Variants in CNFN observed in about 807,000 individuals in gnomAD.
CNFN encodes the protein cornefied envelope protein cornefilin.
A neutral mutation model predicts 14.9 loss-of-function variants in CNFN; 10 were observed. That is an observed-to-expected ratio of 0.67 (90% confidence interval 0.41 to 1.14). The LOEUF (loss-of-function observed/expected upper bound fraction) is 1.14, where lower values mean the gene tolerates loss of function less well. Ranked by LOEUF, CNFN falls within the 50% of genes most tolerant of loss-of-function variation. The pLI is 0.00. For missense variants in CNFN, 165 were observed against 152.8 expected (o/e 1.08, Z -0.42); for synonymous variants, 66 against 60.0 (o/e 1.10, Z -0.46).
intron 1 of CNFN, chr19:42,389,642 T>TGG: frequency 1.9e-5 from 1 of 51,460 alleles, no homozygotes; most frequent in Non-Finnish European, 3.7e-5. Context: ...ACTGGGGCAC[T>TGG]GGGGGCTGGG....
In CNFN at chr19:42,387,106, C is replaced by T. The variant is rs773125676; in HGVS notation, c.*47G>A. On this transcript the variant is annotated 3_prime_UTR_variant, in exon 4 of 4. Coordinates refer to ENST00000222032, the MANE Select transcript of CNFN (RefSeq NM_032488.4). ...CCCTCCCAGGAGTGGCCAGAGAAGG[C>T]CAGAGGCGAGACTGGTGGAAAAGGA... The T allele has an allele frequency of 1.0e-5, 16 of 1,594,608 alleles. No individual in the cohort carries two copies. Among genetic ancestry groups the T allele is most frequent in the Non-Finnish European group, 1.2e-5 (14 of 1,162,668 alleles).
Position 42,387,381 on chromosome 19 carries a change from G to T in CNFN, c.208C>A (p.His70Asn). 6.2e-7 allele frequency: 1 copy of T among 1,600,448 alleles called. No homozygotes were observed. The highest frequency in any genetic ancestry group is 2.3e-5 in the East Asian group (1 of 44,086). Residue 70 changes from histidine to asparagine, a missense_variant, in exon 3 of 4, where the codon CAC becomes AAC. By Grantham distance (68) the His-to-Asn change is moderately conservative (BLOSUM62 1). Coordinates refer to ENST00000222032, the MANE Select transcript of CNFN (RefSeq NM_032488.4). Reference protein sequence around the residue: ...CCAPYLPGGLHSIRTGMRERY... With the variant: ...CCAPYLPGGLNSIRTGMRERY... ...TCCCGCATGCCGGTGCGGATGGAGTGCAGGCCTCCGGGCAGGTAGGGCGCG... is the reference window on the plus strand; with the variant it reads ...TCCCGCATGCCGGTGCGGATGGAGTTCAGGCCTCCGGGCAGGTAGGGCGCG...
rs1446230041 is a variant in CNFN at position 42,387,433 on chromosome 19, G to A, written c.156C>T (p.Ile52=). Residue 52 remains isoleucine (I), a synonymous_variant, in exon 3 of 4, where the codon ATC becomes ATT. Transcript: ENST00000222032. ...AGCAGCACTCGCCAAAGTCGTCGGA[G>A]ATGCGGCAGGCAAGGCACAGAGGAG... ...TFAPLCLACR[I]SDDFGECCCA... 6.3e-7 allele frequency: 1 copy of A among 1,599,896 alleles called. No individual in the cohort carries two copies. The highest frequency in any genetic ancestry group is 1.1e-5 in the South Asian group (1 of 89,172).
rs149866560 is a variant in CNFN, at chr19:42,389,386, G to A, written c.-2-347C>T. ...GTTGCAGCATTTCTGGGGCCTCTGG[G>A]GTGGAAGCAGGCGCCGTCTGTCTTC... is the stretch of plus-strand genomic sequence containing the variant. On this transcript the variant is annotated intron_variant, in intron 1 of 3. Transcript: ENST00000222032. The A allele has an allele frequency of 2.0e-4, 199 of 1,010,086 alleles. 1 individual carries two copies. The East Asian group carries it at 5.3e-3, about 27-fold the overall frequency. The allele number at this position is 1,010,086 out of a possible 1,614,324, so 62.6% of individuals were successfully genotyped here. A position where few individuals can be genotyped will look rare whatever the true frequency, so the allele number is the denominator to read the frequency against.
chr19:42,387,689 T>TA (rs974271181), intron 2 of CNFN, among the ~76,000 whole-genome samples: 2 of 147,774 alleles, frequency 1.4e-5, no homozygotes, highest in Non-Finnish European at 3.0e-5. Flanking sequence ...TTTTTTTTTT[T>TA]AGAAATTGGA....
Position 42,387,469 on chromosome 19 carries a change from G to T in CNFN, c.120C>A (p.Cys40Ter). The T allele has an allele frequency of 1.9e-6, 3 of 1,581,754 alleles. No individual in the cohort carries two copies. The highest frequency in any genetic ancestry group is 1.1e-5 in the South Asian group (1 of 87,168). ...DCCNDMPVCL[C>*]GTFAPLCLAC... is the part of the protein sequence containing the mutation. Reference sequence around the variant, plus strand: ...CAAGGCACAGAGGAGCAAAAGTGCCGCACAGACCTGGGCGGGGCGCAGGCG... The same window carrying T: ...CAAGGCACAGAGGAGCAAAAGTGCCTCACAGACCTGGGCGGGGCGCAGGCG... The change falls in exon 3 of 4, where the codon TGC becomes TGA. Residue 40 changes from cysteine to a stop codon, truncating the protein, a stop_gained. Transcript: ENST00000222032. LOFTEE classifies it high-confidence loss of function.
chr19:42,389,452 G>A, intron 1 of CNFN: 1 of 1,291,826 alleles, frequency 7.7e-7, no homozygotes, highest in South Asian at 1.2e-5. Context: ...CCAGGTTCCA[G>A]TACTGAGAGG....
In CNFN at chr19:42,387,133, G is replaced by A. The variant is rs753151921; in HGVS notation, c.*20C>T. 4.3e-6 allele frequency: 7 copies of A among 1,612,820 alleles called. No homozygotes were observed. Among genetic ancestry groups the A allele is most frequent in the South Asian group, 3.3e-5 (3 of 91,022 alleles). On this transcript the variant is annotated 3_prime_UTR_variant, in exon 4 of 4. Coordinates refer to ENST00000222032, the MANE Select transcript of CNFN (RefSeq NM_032488.4). ...AGAGGCGAGACTGGTGGAAAAGGACGGGGAAGACAGGGAACTTCCTTACTC... is the reference window on the plus strand; with the variant it reads ...AGAGGCGAGACTGGTGGAAAAGGACAGGGAAGACAGGGAACTTCCTTACTC...
intron 2 of CNFN, 85 bp downstream of exon 2, chr19:42,388,841 G>A: frequency 2.2e-6 from 2 of 919,804 alleles, no homozygotes; most frequent in East Asian, 2.6e-5. Context: ...AGCGGTGGGA[G>A]GAGGTTGGAG....
chr19:42,387,070 G>A lies in CNFN; in HGVS notation c.*83C>T. The A allele has an allele frequency of 7.5e-7, 1 of 1,340,076 alleles. No individual in the cohort carries two copies. Among genetic ancestry groups the A allele is most frequent in the East Asian group, 2.3e-5 (1 of 43,316 alleles). The allele number at this position is 1,340,076 out of a possible 1,614,324, so 83.0% of individuals were successfully genotyped here. A position where few individuals can be genotyped will look rare whatever the true frequency, so the allele number is the denominator to read the frequency against. Reference sequence around the variant, plus strand: ...GTATTTCTGGCAGCGGGACAGGGGTGGTGAGGCAGTCCCTCCCAGGAGTGG... The same window carrying A: ...GTATTTCTGGCAGCGGGACAGGGGTAGTGAGGCAGTCCCTCCCAGGAGTGG... On this transcript the variant is annotated 3_prime_UTR_variant, in exon 4 of 4. Coordinates refer to ENST00000222032, the MANE Select transcript of CNFN (RefSeq NM_032488.4).
intron 1 of CNFN, 38 bp from the exon 2 acceptor site, chr19:42,389,077 CG>C: frequency 6.8e-7 from 1 of 1,478,034 alleles, no homozygotes. Flanking sequence ...CTGGCAGCCT[CG>C]CAGCATCTCC....
intron 2 of CNFN, among the ~76,000 whole-genome samples, chr19:42,387,752 C>A (rs1428554352): frequency 7.1e-6 from 1 of 140,522 alleles, no homozygotes; most frequent in East Asian, 2.1e-4. Flanking sequence ...GAGGCCTAGG[C>A]GGGAGGATCA....
intron 3 of CNFN, 38 bp from the exon 4 acceptor site, chr19:42,387,280 G>T (rs2039857530): frequency 6.2e-7 from 1 of 1,607,846 alleles, no homozygotes; most frequent in Admixed American, 1.7e-5. Flanking sequence ...GCCCCGCGGT[G>T]GGTCCCAGGA....
At chr19:42,387,995 C>CAAAAAAAA (rs755521374) in intron 2 of CNFN, among the ~76,000 whole-genome samples, 14 of 36,134 alleles carry the variant, frequency 3.9e-4, no homozygotes, top group Admixed American at 1.5e-3. Context: ...AAACAAAAAA[C>CAAAAAAAA]AAAACAAAAA....
rs1299016476 is a variant in CNFN, at chr19:42,387,416, T to A, written c.173A>T (p.Glu58Val). The A allele has an allele frequency of 6.2e-7, 1 of 1,602,122 alleles. No individual in the cohort carries two copies. Among genetic ancestry groups the A allele is most frequent in the East Asian group, 2.3e-5 (1 of 44,218 alleles). Residue 58 changes from glutamate to valine, a missense_variant, in exon 3 of 4, where the codon GAG becomes GTG. Coordinates refer to ENST00000222032, the MANE Select transcript of CNFN (RefSeq NM_032488.4). ...LACRISDDFG[E>V]CCCAPYLPGG... ...GGGCAGGTAGGGCGCGCAGCAGCAC[T>A]CGCCAAAGTCGTCGGAGATGCGGCA... is the stretch of plus-strand genomic sequence containing the variant.
Position 42,387,391 on chromosome 19 carries a change from G to T in CNFN, c.198C>A (p.Pro66=). 1 of 1,601,196 alleles carries T rather than the reference G, an allele frequency of 6.2e-7. No homozygotes were observed. The highest frequency in any genetic ancestry group is 2.3e-5 in the East Asian group (1 of 44,168). Residue 66 remains proline, a synonymous_variant, in exon 3 of 4, where the codon CCC becomes CCA. Transcript: ENST00000222032. The part of the protein sequence containing the change: ...FGECCCAPYL[P]GGLHSIRTGM... ...CGGTGCGGATGGAGTGCAGGCCTCC[G>T]GGCAGGTAGGGCGCGCAGCAGCACT...
chr19:42,389,675 G>A, intron 1 of CNFN: 1 of 473,126 alleles, frequency 2.1e-6, no homozygotes, highest in South Asian at 1.7e-5. Context: ...GGGGAGCTGG[G>A]GAGAAAGAGG....
Position 42,387,169 on chromosome 19 carries a change from A to T in CNFN, c.323T>A (p.Leu108Gln). 6.2e-7 allele frequency: 1 copy of T among 1,614,206 alleles called. No homozygotes were observed. The highest frequency in any genetic ancestry group is 8.5e-7 in the Non-Finnish European group (1 of 1,180,028). ...GGAACTTCCTTACTCTCGGATCTTC[A>T]GTTCCCGCGCCATCTGGCAGAGGGC... ...PCALCQMARE[L>Q]KIRE is the part of the protein sequence containing the mutation. Residue 108 changes from leucine to glutamine, a missense_variant, in exon 4 of 4, where the codon CTG becomes CAG. Transcript: ENST00000222032.
chr19:42,390,037 C>T (rs189039272), intron 1 of CNFN, among the ~76,000 whole-genome samples: 1 of 152,178 alleles, frequency 6.6e-6, no homozygotes, highest in African/African-American at 2.4e-5. Flanking sequence ...TGATGCTGGG[C>T]CCCAAGACTT....
Sources: gnomAD v4.1 joint callset for allele counts (sites outside exome capture counted in the v4.1 genomes callset) on GRCh38, gnomAD v4.1.1 for gene constraint, MANE v1.5 for transcripts, NCBI Gene and HGNC (gene_info 2026-07-23, HGNC 2026-07-21) for gene names.